Variants in ITCH observed in about 807,000 individuals in gnomAD.
ITCH encodes itchy E3 ubiquitin protein ligase.
ITCH carries 28 observed loss-of-function variants against 126.8 expected under a neutral mutation model. That is an observed-to-expected ratio of 0.22 (90% CI 0.16 to 0.30). The LOEUF is 0.30. ITCH is among the 10% of genes least tolerant of loss of function. The probability of loss-of-function intolerance (pLI) is 1.00; values close to 1 mark genes in which losing one functional copy is unlikely to be tolerated. For synonymous variants in ITCH, 342 were observed against 340.0 expected (o/e 1.01, Z -0.06); for missense variants, 631 against 1,032.4 (o/e 0.61, Z 5.33).
intron 2 of ITCH, among the ~76,000 whole-genome samples, chr20:34,371,289 T>C (rs947405916): frequency 1.3e-4 from 19 of 147,116 alleles, no homozygotes; most frequent in East Asian, 3.9e-4. Flanking sequence ...CTTTTTTTTT[T>C]TTTTTTTTTT....
At chr20:34,401,995 G>C (rs534085942) in intron 3 of ITCH, among the ~76,000 whole-genome samples, 46 of 152,248 alleles carry the variant, frequency 3.0e-4, no homozygotes, top group African/African-American at 1.0e-3. Flanking sequence ...ATAGCTATGG[G>C]CCTTGTCTCA....
intron 9 of ITCH, among the ~76,000 whole-genome samples, chr20:34,440,915 A>G (rs1983665448): frequency 6.6e-6 from 1 of 152,112 alleles, no homozygotes; most frequent in Non-Finnish European, 1.5e-5. Context: ...CCTAATTCCA[A>G]TTGCCTTTTT....
intron 20 of ITCH, among the ~76,000 whole-genome samples, chr20:34,483,995 C>T (rs1241570914): frequency 6.6e-6 from 1 of 152,104 alleles, no homozygotes; most frequent in African/African-American, 2.4e-5. Context: ...ATTTTAAAAC[C>T]ATCAGATCTT....
chr20:34,479,714 G>A lies in ITCH; in HGVS notation c.1743G>A (p.Leu581=), dbSNP rs760476142. The change falls in exon 18 of 25, where the codon TTG becomes TTA. Residue 581 remains leucine, a synonymous_variant. Coordinates refer to ENST00000374864, the MANE Select transcript of ITCH (RefSeq NM_031483.7). The part of the protein sequence containing the change: ...FEYAGKDNYC[L]QINPASYINP... ...ATGCAGGGAAGGATAACTACTGCTT[G>A]CAGATAAACCCCGCTTCTTACATCA... The A allele has an allele frequency of 6.2e-7, 1 of 1,613,954 alleles. No individual in the cohort carries two copies. Among genetic ancestry groups the A allele is most frequent in the South Asian group, 1.1e-5 (1 of 91,088 alleles).
At chr20:34,416,046 C>T (rs1252759495) in intron 6 of ITCH, among the ~76,000 whole-genome samples, 5 of 151,808 alleles carry the variant, frequency 3.3e-5, no homozygotes, top group African/African-American at 9.7e-5. Flanking sequence ...CTCTTGAAAC[C>T]AGAAGGTGGA....
At chr20:34,366,559 T>A (rs1413867771) in intron 1 of ITCH, among the ~76,000 whole-genome samples, 1 of 152,050 alleles carries the variant, frequency 6.6e-6, no homozygotes, top group African/African-American at 2.4e-5. Flanking sequence ...AAATTTGGAA[T>A]TTTATGTTGG....
intron 2 of ITCH, among the ~76,000 whole-genome samples, chr20:34,388,200 C>T (rs997039751): frequency 2.6e-5 from 4 of 151,028 alleles, no homozygotes; most frequent in Admixed American, 6.6e-5. Flanking sequence ...TGAGTTCAAG[C>T]GGTCCTCCCA....
At chr20:34,384,739 C>T (rs2038208682) in intron 2 of ITCH, among the ~76,000 whole-genome samples, 1 of 145,256 alleles carries the variant, frequency 6.9e-6, no homozygotes, top group South Asian at 2.3e-4. Context: ...CAGCTCACTG[C>T]AAGCTCTGCC....
chr20:34,418,469 G>A (rs1332555713), intron 6 of ITCH, among the ~76,000 whole-genome samples: 4 of 151,934 alleles, frequency 2.6e-5, no homozygotes, highest in African/African-American at 4.8e-5. Context: ...TCCGCTTAAC[G>A]TTAGGGTAAA....
At chr20:34,438,857 A>G (rs905661710) in intron 8 of ITCH, among the ~76,000 whole-genome samples, 1 of 152,194 alleles carries the variant, frequency 6.6e-6, no homozygotes, top group Non-Finnish European at 1.5e-5. Context: ...TGAAAATGAC[A>G]TGTGCGTAAT....
intron 2 of ITCH, among the ~76,000 whole-genome samples, chr20:34,393,342 C>G (rs1045520512): frequency 2.6e-5 from 4 of 152,062 alleles, no homozygotes; most frequent in African/African-American, 9.7e-5. Flanking sequence ...GATCCTGTCT[C>G]TACCAAAAAT....
At chr20:34,454,142 T>C (rs958694773) in intron 12 of ITCH, among the ~76,000 whole-genome samples, 25 of 142,950 alleles carry the variant, frequency 1.7e-4, no homozygotes, top group African/African-American at 5.8e-4. Flanking sequence ...TATGTTTTTC[T>C]TTTTTTTTTT....
chr20:34,449,972 C>T (rs759271393), intron 12 of ITCH, among the ~76,000 whole-genome samples: 7 of 152,010 alleles, frequency 4.6e-5, no homozygotes, highest in Non-Finnish European at 8.8e-5. Context: ...GGGGGTTTTA[C>T]GTGATGATGA....
At chr20:34,490,055 A>G in intron 22 of ITCH, 129 bp downstream of exon 22, 1 of 698,508 alleles carries the variant, frequency 1.4e-6, no homozygotes, top group Non-Finnish European at 2.6e-6. Flanking sequence ...ATGCATTATA[A>G]TAAATGAATA....
At chr20:34,487,762 A>G (rs1989230642) in intron 20 of ITCH, among the ~76,000 whole-genome samples, 1 of 152,058 alleles carries the variant, frequency 6.6e-6, no homozygotes, top group Non-Finnish European at 1.5e-5. Context: ...AACATGATGA[A>G]ACCCCGTCTC....
intron 1 of ITCH, among the ~76,000 whole-genome samples, chr20:34,365,070 G>A (rs2037367484): frequency 6.6e-6 from 1 of 151,858 alleles, no homozygotes; most frequent in African/African-American, 2.4e-5. Context: ...TGTGGTGGCA[G>A]GCGCCTGTGG....
At chr20:34,375,845 A>G (rs1326087117) in intron 2 of ITCH, among the ~76,000 whole-genome samples, 1 of 150,966 alleles carries the variant, frequency 6.6e-6, no homozygotes, top group African/African-American at 2.4e-5. Flanking sequence ...AGATCCCGTC[A>G]TTATATTTTT....
At chr20:34,475,999 C>T (rs1042694996) in intron 16 of ITCH, 43 of 1,601,442 alleles carry the variant, frequency 2.7e-5, no homozygotes, top group African/African-American at 9.4e-5. Context: ...TCATATTGTC[C>T]ATAGATTTTG....
intron 4 of ITCH, among the ~76,000 whole-genome samples, chr20:34,411,658 C>T (rs1156734254): frequency 6.6e-6 from 1 of 152,066 alleles, no homozygotes; most frequent in African/African-American, 2.4e-5. Flanking sequence ...TTCTTTGTCC[C>T]CTCAAACTTG....
Sources: gnomAD v4.1 joint callset for allele counts (sites outside exome capture counted in the v4.1 genomes callset) on GRCh38, gnomAD v4.1.1 for gene constraint, MANE v1.5 for transcripts, NCBI Gene and HGNC (gene_info 2026-07-23, HGNC 2026-07-21) for gene names.